EIF4G3: variants seen among roughly 807,000 people sequenced by gnomAD.
EIF4G3 encodes the protein eukaryotic translation initiation factor 4 gamma 3, also known as eIF-4-gamma 3.
In EIF4G3, 34 loss-of-function variants were observed where a neutral mutation model predicts 186.4. That is an observed-to-expected ratio of 0.18 (90% CI 0.14 to 0.24). EIF4G3 has a LOEUF of 0.24. Ranked by LOEUF, EIF4G3 falls within the 10% of genes least tolerant of loss-of-function variation. The pLI is 1.00. For synonymous variants in EIF4G3, 673 were observed against 679.5 expected (o/e 0.99, Z 0.15); for missense variants, 1,536 against 1,948.5 (o/e 0.79, Z 3.99).
chr1:20,810,882 C>T lies in EIF4G3; in HGVS notation c.4600G>A (p.Asp1534Asn), dbSNP rs763894341. The change falls in exon 36 of 37, where the codon GAC becomes AAC. Residue 1534 changes from aspartate to asparagine, a missense_variant and splice_region_variant. Asp to Asn is a conservative substitution (Grantham distance 23). This residue lies in a region of EIF4G3 where 395 missense variants were observed against 498.9 expected (regional missense o/e 0.79). Transcript: ENST00000602326. This position sits in a 1 kb window ranked among gnomAD's most constrained non-coding sequence, Gnocchi z 4.1. ...GTGTCCACTCTGAAGGTAGAAGAGT[C>T]GGCTAAAGGTGATAGAAGAACTAGG... The part of the protein sequence containing the change: ...TAVCKAAIIA[D>N]SSTFRVDTAV... 7.5e-6 allele frequency: 12 copies of T among 1,609,604 alleles called. No homozygotes were observed. The highest frequency in any genetic ancestry group is 2.2e-5 in the South Asian group (2 of 90,892).
intron 2 of EIF4G3, among the ~76,000 whole-genome samples, chr1:21,108,988 C>T (rs1160079131): frequency 6.7e-6 from 1 of 149,776 alleles, no homozygotes; most frequent in African/African-American, 2.5e-5. Flanking sequence ...GAGGATGAGG[C>T]GGGTGGATCG....
At position 21,020,465 on chromosome 1, in the gene EIF4G3, G is replaced by C. The variant is rs558078826; in HGVS notation, c.-66-17657C>G. On this transcript the variant is annotated intron_variant, in intron 4 of 36. Transcript: ENST00000602326. The stretch of plus-strand genomic sequence containing the variant: ...AGATCATGTCACTGCACTCCAGCCT[G>C]GGCAACAGAGTGAGACCCTGTCTCA... Among the ~76,000 whole-genome samples, 4 of 152,072 alleles carry C rather than the reference G, an allele frequency of 2.6e-5. No individual in the cohort carries two copies. The East Asian group carries it at 7.7e-4, about 29-fold the overall frequency.
chr1:20,928,454 G>C (rs1356597739), intron 14 of EIF4G3, among the ~76,000 whole-genome samples: 1 of 152,138 alleles, frequency 6.6e-6, no homozygotes, highest in Non-Finnish European at 1.5e-5. Context: ...CCAAGCTGGA[G>C]TGCAGTGGTG....
chr1:20,882,214 C>CACACAA (rs903651739), intron 19 of EIF4G3, among the ~76,000 whole-genome samples: 4 of 60,254 alleles, frequency 6.6e-5, no homozygotes, highest in Non-Finnish European at 1.7e-4. Flanking sequence ...CACACACACA[C>CACACAA]AAAATCATTT....
At chr1:21,073,669 TATA>T in intron 3 of EIF4G3, 1 of 519,830 alleles carries the variant, frequency 1.9e-6, no homozygotes, top group Non-Finnish European at 3.8e-6. Context: ...ACCTTCTTGG[TATA>T]AAGGTCGACA....
At chr1:20,822,388 G>A (rs1450198123) in intron 33 of EIF4G3, among the ~76,000 whole-genome samples, 14 of 125,634 alleles carry the variant, frequency 1.1e-4, no homozygotes, top group Admixed American at 3.5e-4. Flanking sequence ...TTTTTGAGAC[G>A]GAGTCTCGCC....
At chr1:21,110,187 T>C (rs1041240221) in intron 2 of EIF4G3, among the ~76,000 whole-genome samples, 5 of 152,232 alleles carry the variant, frequency 3.3e-5, no homozygotes, top group African/African-American at 1.2e-4. Context: ...AAAGGATAAT[T>C]TGATGACAAG....
intron 14 of EIF4G3, among the ~76,000 whole-genome samples, chr1:20,925,104 T>C (rs555141121): frequency 1.3e-5 from 2 of 152,340 alleles, no homozygotes; most frequent in South Asian, 4.1e-4. Flanking sequence ...TGCAAGCACA[T>C]ATATGTGTGC....
intron 6 of EIF4G3, 38 bp from the exon 7 acceptor site, chr1:20,997,671 C>A: frequency 6.6e-7 from 1 of 1,507,580 alleles, no homozygotes. Flanking sequence ...AAAGGAAAGG[C>A]ACAAAGAGTC....
At position 20,829,101 on chromosome 1, in the gene EIF4G3, A is replaced by G. The variant is rs1365620683; in HGVS notation, c.4187+46T>C. 1.3e-6 allele frequency: 2 copies of G among 1,592,598 alleles called. 1 individual carries two copies. Among genetic ancestry groups the G allele is most frequent in the South Asian group, 2.2e-5 (2 of 89,052 alleles). ...ATAGAGAGCTAGCAAGTGAGTTATT[A>G]GTCAGTTCTACCTGATATATATCAA... On this transcript the variant is annotated intron_variant, in intron 31 of 36. Transcript: ENST00000602326.
chr1:21,046,230 C>T (rs1422460865), intron 4 of EIF4G3, among the ~76,000 whole-genome samples: 1 of 152,212 alleles, frequency 6.6e-6, no homozygotes, highest in East Asian at 1.9e-4. Flanking sequence ...CCTATAAAGA[C>T]TCTGTCTCAC....
chr1:21,090,584 G>A (rs1231999868), intron 2 of EIF4G3, among the ~76,000 whole-genome samples: 1 of 152,168 alleles, frequency 6.6e-6, no homozygotes, highest in Non-Finnish European at 1.5e-5. Flanking sequence ...CACTGGGGTT[G>A]TTTACAGTCA....
At chr1:20,925,140 G>A (rs1275213131) in intron 14 of EIF4G3, among the ~76,000 whole-genome samples, 1 of 152,086 alleles carries the variant, frequency 6.6e-6, no homozygotes, top group East Asian at 1.9e-4. Context: ...GTGCATACAG[G>A]TTTCTCCTTT....
At chr1:21,112,514 C>T (rs976587986) in intron 2 of EIF4G3, among the ~76,000 whole-genome samples, 4 of 151,780 alleles carry the variant, frequency 2.6e-5, no homozygotes, top group African/African-American at 4.8e-5. Flanking sequence ...ATTAAAATGC[C>T]CTTACTGAGA....
At chr1:20,920,057 C>A (rs974821848) in intron 14 of EIF4G3, among the ~76,000 whole-genome samples, 3 of 152,098 alleles carry the variant, frequency 2.0e-5, no homozygotes, top group Admixed American at 6.5e-5. Flanking sequence ...CAGGCACACA[C>A]CACCACACCC....
intron 2 of EIF4G3, among the ~76,000 whole-genome samples, chr1:21,089,444 C>T (rs759711440): frequency 8.5e-5 from 13 of 152,152 alleles, no homozygotes; most frequent in Admixed American, 2.0e-4. Context: ...AAAACAAACA[C>T]AACTATACAA....
At chr1:20,841,147 A>G (rs2068444553) in intron 29 of EIF4G3, 119 bp from the exon 30 acceptor site, 4 of 960,910 alleles carry the variant, frequency 4.2e-6, no homozygotes, top group Non-Finnish European at 6.0e-6. Flanking sequence ...TGAACAGGAC[A>G]GTTTTCAAAT....
intron 10 of EIF4G3, among the ~76,000 whole-genome samples, chr1:20,976,721 A>G (rs2076930334): frequency 6.6e-6 from 1 of 152,140 alleles, no homozygotes; most frequent in Non-Finnish European, 1.5e-5. Context: ...AAAAATTCAA[A>G]ACCTTGAATT....
At chr1:20,899,557 G>T in intron 16 of EIF4G3, 140 bp downstream of exon 16, 1 of 1,048,674 alleles carries the variant, frequency 9.5e-7, no homozygotes, top group Non-Finnish European at 1.4e-6. Flanking sequence ...ACTAACTTGG[G>T]CTTGCTGATC....
Sources: gnomAD v4.1 joint callset for allele counts (sites outside exome capture counted in the v4.1 genomes callset) on GRCh38, gnomAD v4.1.1 for gene constraint, gnomAD v4.1.1 regional missense constraint, Gnocchi (gnomAD v3.1) non-coding constraint, MANE v1.5 for transcripts, NCBI Gene and HGNC (gene_info 2026-07-23, HGNC 2026-07-21) for gene names.